FBXO11: variants seen among roughly 807,000 people sequenced by gnomAD.
FBXO11 encodes F-box only protein 11.
A neutral mutation model predicts 117.0 loss-of-function variants in FBXO11; 13 were observed. The observed-to-expected ratio is 0.11, with a 90% CI of 0.07 to 0.18. FBXO11 has a LOEUF of 0.18. FBXO11 is among the 10% of genes least tolerant of loss of function. The pLI, the probability that FBXO11 is intolerant of heterozygous loss-of-function variation, is 1.00. For missense variants in FBXO11, 767 were observed against 1,164.4 expected (o/e 0.66, Z 4.97); for synonymous variants, 490 against 380.5 (o/e 1.29, Z -3.35).
intron 5 of FBXO11, among the ~76,000 whole-genome samples, chr2:47,835,670 G>A (rs1056998899): frequency 5.9e-5 from 9 of 152,062 alleles, no homozygotes; most frequent in Non-Finnish European, 1.3e-4. Flanking sequence ...GCTAATTTTT[G>A]TATTTTTAGA....
intron 11 of FBXO11, among the ~76,000 whole-genome samples, chr2:47,827,532 C>T (rs1671849263): frequency 6.6e-6 from 1 of 152,046 alleles, no homozygotes; most frequent in African/African-American, 2.4e-5. Flanking sequence ...GTCTGGAACT[C>T]CTGACCTCAA....
At chr2:47,815,173 G>A (rs1455249950) in intron 16 of FBXO11, among the ~76,000 whole-genome samples, 4 of 152,020 alleles carry the variant, frequency 2.6e-5, no homozygotes, top group African/African-American at 7.2e-5. Flanking sequence ...CCATAAAAAC[G>A]TTTATTTTTG....
intron 1 of FBXO11, among the ~76,000 whole-genome samples, chr2:47,880,095 G>A (rs993833783): frequency 3.3e-5 from 5 of 151,510 alleles, no homozygotes; most frequent in African/African-American, 1.2e-4. Flanking sequence ...TTCCAGGCTC[G>A]AGAGATTCTC....
Position 47,827,367 on chromosome 2 carries a change from C to T in FBXO11, c.1399-4007G>A, listed in dbSNP as rs557236529. Among the ~76,000 whole-genome samples, 11 of 148,984 alleles carry T rather than the reference C, an allele frequency of 7.4e-5. No homozygotes were observed. In the East Asian group the frequency reaches 1.0e-3, roughly 14 times the overall value. ...TGTCGCCCAGGCTGGAGCGCAGTGG[C>T]GCACTTTCGGCTCACTGCAACCTCT... is the stretch of plus-strand genomic sequence containing the variant. On this transcript the variant is annotated intron_variant, in intron 11 of 22. Coordinates refer to ENST00000403359, the MANE Select transcript of FBXO11 (RefSeq NM_001190274.2).
In FBXO11 at chr2:47,807,152, T is replaced by C. The variant is rs984015897; in HGVS notation, c.*966A>G. On this transcript the variant is annotated 3_prime_UTR_variant, in exon 23 of 23. Coordinates refer to ENST00000403359, the MANE Select transcript of FBXO11 (RefSeq NM_001190274.2). ...AGCTATGAAACTGTATAGGGCTGTA[T>C]ATATACTTGTCTCAGCTTAATGCAG... The C allele has an allele frequency of 3.5e-5, 12 of 338,320 alleles. No homozygotes were observed. Among genetic ancestry groups the C allele is most frequent in the African/African-American group, 1.9e-4 (9 of 47,316 alleles). The allele number at this position is 338,320 out of a possible 1,614,324, so 21.0% of individuals were successfully genotyped here.
chr2:47,874,070 C>T (rs567299178), intron 1 of FBXO11, among the ~76,000 whole-genome samples: 5 of 151,918 alleles, frequency 3.3e-5, no homozygotes, highest in Admixed American at 6.6e-5. Flanking sequence ...AAAAATTAGC[C>T]GACTATGGTG....
intron 1 of FBXO11, among the ~76,000 whole-genome samples, chr2:47,891,048 T>G (rs1677226024): frequency 6.6e-6 from 1 of 151,720 alleles, no homozygotes; most frequent in Non-Finnish European, 1.5e-5. Context: ...AGTATCAAAC[T>G]CCCGGGCTCA....
chr2:47,863,553 A>G (rs943201456), intron 1 of FBXO11, among the ~76,000 whole-genome samples: 3 of 152,226 alleles, frequency 2.0e-5, no homozygotes, highest in African/African-American at 7.2e-5. Flanking sequence ...TGGTAACTTT[A>G]TTTCAAAAGT....
At chr2:47,889,015 G>C (rs914283358) in intron 1 of FBXO11, among the ~76,000 whole-genome samples, 3 of 152,174 alleles carry the variant, frequency 2.0e-5, no homozygotes, top group Non-Finnish European at 4.4e-5. Flanking sequence ...CCTTGGACTA[G>C]AGAAGATGAA....
intron 13 of FBXO11, 119 bp downstream of exon 13, chr2:47,822,099 A>G (rs1432755857): frequency 2.8e-6 from 2 of 709,154 alleles, no homozygotes; most frequent in Non-Finnish European, 4.8e-6. Flanking sequence ...AAAAAAGAAA[A>G]AAATTAAAGA....
chr2:47,889,089 TAA>T, intron 1 of FBXO11, among the ~76,000 whole-genome samples: 1 of 152,334 alleles, frequency 6.6e-6, no homozygotes, highest in East Asian at 1.9e-4. Flanking sequence ...CTTTTTTTTA[TAA>T]GTTAGCAGTA....
At chr2:47,866,300 C>T (rs1282512939) in intron 1 of FBXO11, among the ~76,000 whole-genome samples, 1 of 147,960 alleles carries the variant, frequency 6.8e-6, no homozygotes, top group Non-Finnish European at 1.5e-5. Context: ...ATTCAAAACC[C>T]AAAAATAACG....
intron 11 of FBXO11, among the ~76,000 whole-genome samples, chr2:47,831,268 T>G (rs1002991464): frequency 4.6e-5 from 7 of 151,460 alleles, no homozygotes; most frequent in African/African-American, 1.7e-4. Flanking sequence ...AATACAAAAT[T>G]AGGCAGGCGT....
intron 1 of FBXO11, among the ~76,000 whole-genome samples, chr2:47,841,981 G>A (rs1329700786): frequency 1.3e-5 from 2 of 150,590 alleles, no homozygotes; most frequent in Non-Finnish European, 3.0e-5. Flanking sequence ...TAATACAAAT[G>A]CTTTTAGTGG....
intron 4 of FBXO11, among the ~76,000 whole-genome samples, chr2:47,838,154 GC>G (rs982313306): frequency 6.6e-6 from 1 of 151,644 alleles, no homozygotes; most frequent in Non-Finnish European, 1.5e-5. Flanking sequence ...AATGGCTTGA[GC>G]CCAGAGGGTT....
chr2:47,886,872 C>CA (rs796604693), intron 1 of FBXO11, among the ~76,000 whole-genome samples: 20 of 149,152 alleles, frequency 1.3e-4, no homozygotes, highest in South Asian at 2.1e-4. Flanking sequence ...CTGTCTCTAC[C>CA]AAAAAAAAAA....
intron 11 of FBXO11, among the ~76,000 whole-genome samples, chr2:47,829,304 G>A (rs929640293): frequency 3.3e-5 from 5 of 152,164 alleles, no homozygotes; most frequent in South Asian, 4.2e-4. Flanking sequence ...GCAGTGGCGC[G>A]ATCTCGGCTC....
chr2:47,868,729 G>T (rs574679828), intron 1 of FBXO11, among the ~76,000 whole-genome samples: 47 of 152,160 alleles, frequency 3.1e-4, no homozygotes, highest in Middle Eastern at 3.2e-3. Flanking sequence ...GGTTGATTTG[G>T]CTATGGCTGC....
intron 1 of FBXO11, among the ~76,000 whole-genome samples, chr2:47,886,557 A>C (rs1370063070): frequency 9.2e-5 from 14 of 152,126 alleles, no homozygotes; most frequent in Admixed American, 9.2e-4. Flanking sequence ...AAACATGTAA[A>C]GATATTTGTA....
Sources: gnomAD v4.1 joint callset for allele counts (sites outside exome capture counted in the v4.1 genomes callset) on GRCh38, gnomAD v4.1.1 for gene constraint, MANE v1.5 for transcripts, NCBI Gene and HGNC (gene_info 2026-07-23, HGNC 2026-07-21) for gene names.